The following NCKAP5 variants were observed in gnomAD, a reference collection of about 807,000 sequenced individuals.
NCKAP5 encodes the protein NCK associated protein 5.
A neutral mutation model predicts 167.0 loss-of-function variants in NCKAP5; 92 were observed. That is an observed-to-expected ratio of 0.55 (90% CI 0.47 to 0.66). The LOEUF is 0.66. NCKAP5 is among the 30% of genes least tolerant of loss of function. The probability of loss-of-function intolerance (pLI) is 0.00; values close to 1 mark genes in which losing one functional copy is unlikely to be tolerated. For missense variants in NCKAP5, 2,378 were observed against 2,315.0 expected (o/e 1.03, Z -0.56); for synonymous variants, 891 against 877.4 (o/e 1.02, Z -0.27).
chr2:133,130,805 T>C (rs1476675610), intron 5 of NCKAP5, among the ~76,000 whole-genome samples: 2 of 152,126 alleles, frequency 1.3e-5, no homozygotes, highest in Admixed American at 1.3e-4. Flanking sequence ...CTGATAGCAC[T>C]GAGTCAGCTA....
At chr2:133,458,789 T>C (rs952214064) in intron 3 of NCKAP5, among the ~76,000 whole-genome samples, 1 of 152,126 alleles carries the variant, frequency 6.6e-6, no homozygotes, top group African/African-American at 2.4e-5. Context: ...TCTCGGGGTT[T>C]AGGAACACAG....
intron 6 of NCKAP5, among the ~76,000 whole-genome samples, chr2:133,036,385 A>G (rs1199331530): frequency 6.6e-6 from 1 of 152,012 alleles, no homozygotes; most frequent in Non-Finnish European, 1.5e-5. Flanking sequence ...ACCACAAGCC[A>G]ATATCTCTGA....
At chr2:132,752,501 G>T (rs1023853980) in intron 16 of NCKAP5, among the ~76,000 whole-genome samples, 7 of 152,198 alleles carry the variant, frequency 4.6e-5, no homozygotes, top group Admixed American at 4.6e-4. Context: ...GCTGGCTGGT[G>T]TCTGAATCTT....
At chr2:132,994,775 AT>A (rs1216512239) in intron 6 of NCKAP5, among the ~76,000 whole-genome samples, 1 of 152,154 alleles carries the variant, frequency 6.6e-6, no homozygotes, top group Admixed American at 6.6e-5. Context: ...TCATTAGGTG[AT>A]TTTGTCATTT....
intron 11 of NCKAP5, among the ~76,000 whole-genome samples, chr2:132,818,120 G>A (rs1686423226): frequency 6.6e-6 from 1 of 151,968 alleles, no homozygotes; most frequent in Admixed American, 6.6e-5. Context: ...GCTAATTTTT[G>A]TGTTTTTTGT....
At chr2:132,854,103 C>G (rs189634727) in intron 11 of NCKAP5, among the ~76,000 whole-genome samples, 1 of 152,266 alleles carries the variant, frequency 6.6e-6, no homozygotes, top group Admixed American at 6.5e-5. Flanking sequence ...ATTCAAAGGT[C>G]AAAACAAGGT....
At chr2:132,706,697 T>C (rs1688387370) in intron 19 of NCKAP5, among the ~76,000 whole-genome samples, 2 of 152,110 alleles carry the variant, frequency 1.3e-5, no homozygotes, top group Admixed American at 1.3e-4. Flanking sequence ...GCCAGGCTCC[T>C]TTCTATGTAA....
At chr2:133,580,455 C>T in the NCKAP5 span, among the ~76,000 whole-genome samples, 1 of 152,042 alleles carries the variant, frequency 6.6e-6, no homozygotes, top group East Asian at 1.9e-4. Flanking sequence ...TCTCTTTTAC[C>T]ATGGAAACTC....
At chr2:133,228,335 CTT>C (rs372015289) in intron 4 of NCKAP5, among the ~76,000 whole-genome samples, 1 of 152,160 alleles carries the variant, frequency 6.6e-6, no homozygotes, top group African/African-American at 2.4e-5. Flanking sequence ...AACCGGATCT[CTT>C]TTTGTTTTTG....
In NCKAP5 at chr2:132,713,857, G is replaced by A. The variant is rs1210366579; in HGVS notation, c.5713+11770C>T. ...AAACCAACCACTAACCTCTCTGCCT[G>A]CACAAGATCCAGAGCCAGCTTGGCC... On this transcript the variant is annotated intron_variant, in intron 19 of 19. Transcript: ENST00000409261. Among the ~76,000 whole-genome samples the A allele has an allele frequency of 3.2e-4, 49 of 152,142 alleles. 1 individual carries two copies. Among genetic ancestry groups the A allele is most frequent in the Admixed American group, 3.2e-3 (49 of 15,268 alleles).
chr2:133,323,739 A>G (rs924923626), intron 3 of NCKAP5, among the ~76,000 whole-genome samples: 11 of 152,188 alleles, frequency 7.2e-5, no homozygotes, highest in Non-Finnish European at 1.3e-4. Flanking sequence ...TTGTCTGGGG[A>G]ATCTGACAGA....
chr2:132,865,490 G>C (rs371801829), intron 10 of NCKAP5, among the ~76,000 whole-genome samples: 1 of 152,122 alleles, frequency 6.6e-6, no homozygotes, highest in Non-Finnish European at 1.5e-5. Flanking sequence ...CAAATATATA[G>C]AGTCAGTTTT....
chr2:132,679,282 G>A (rs1283920219), intron 19 of NCKAP5, among the ~76,000 whole-genome samples: 1 of 152,166 alleles, frequency 6.6e-6, no homozygotes, highest in Non-Finnish European at 1.5e-5. Context: ...GCTTCTGACA[G>A]TCTGATTCCA....
intron 15 of NCKAP5, among the ~76,000 whole-genome samples, chr2:132,776,759 T>A (rs1397509752): frequency 6.6e-6 from 1 of 152,168 alleles, no homozygotes; most frequent in Non-Finnish European, 1.5e-5. Flanking sequence ...CAGATTCCCC[T>A]TGCTAATTAT....
chr2:133,485,136 C>T (rs910118592), intron 3 of NCKAP5, among the ~76,000 whole-genome samples: 2 of 151,996 alleles, frequency 1.3e-5, no homozygotes, highest in South Asian at 2.1e-4. Flanking sequence ...GGGAATGAGA[C>T]AAATATGTCC....
chr2:133,215,126 C>T (rs2086371186), intron 4 of NCKAP5, among the ~76,000 whole-genome samples: 1 of 152,060 alleles, frequency 6.6e-6, no homozygotes, highest in Non-Finnish European at 1.5e-5. Context: ...GAGTACACTT[C>T]TAAGAAGGGG....
chr2:133,224,308 A>G (rs2086788644), intron 4 of NCKAP5, among the ~76,000 whole-genome samples: 2 of 152,202 alleles, frequency 1.3e-5, no homozygotes, highest in Non-Finnish European at 2.9e-5. Context: ...CCAGAGCACA[A>G]ACATATCCTT....
At chr2:132,928,648 A>T (rs1394339021) in intron 8 of NCKAP5, among the ~76,000 whole-genome samples, 1 of 152,228 alleles carries the variant, frequency 6.6e-6, no homozygotes, top group Non-Finnish European at 1.5e-5. Flanking sequence ...ATGAGCTACC[A>T]GAGGAATTTT....
intron 7 of NCKAP5, among the ~76,000 whole-genome samples, chr2:132,970,893 C>T (rs935107243): frequency 2.6e-5 from 4 of 152,322 alleles, no homozygotes; most frequent in Non-Finnish European, 5.9e-5. Context: ...TCAGTCTATA[C>T]CCTTCCCCAA....
Sources: allele counts gnomAD v4.1 joint callset (sites outside exome capture counted in the v4.1 genomes callset), GRCh38; gene constraint gnomAD v4.1.1; transcripts MANE v1.5; gene names NCBI Gene and HGNC (gene_info 2026-07-23, HGNC 2026-07-21).